The following SDK1 variants were observed in gnomAD, a reference collection of about 807,000 sequenced individuals.
SDK1 encodes protein sidekick-1.
Under a neutral mutation model 245.5 loss-of-function variants are expected in SDK1, and 157 were observed. The ratio of observed to expected loss-of-function variants is 0.64; its 90% CI spans 0.56 to 0.73. The LOEUF (loss-of-function observed/expected upper bound fraction) is 0.73, where lower values mean the gene tolerates loss of function less well. Among genes scored for constraint, SDK1 ranks in the 30% least tolerant of loss-of-function variants. The pLI, the probability that SDK1 is intolerant of heterozygous loss-of-function variation, is 0.00. For missense variants in SDK1, 3,583 were observed against 3,002.3 expected (o/e 1.19, Z -4.52); for synonymous variants, 1,647 against 1,278.5 (o/e 1.29, Z -6.15).
At chr7:3,811,207 C>T (rs1035480803) in intron 4 of SDK1, among the ~76,000 whole-genome samples, 1 of 152,146 alleles carries the variant, frequency 6.6e-6, no homozygotes, top group African/African-American at 2.4e-5. Context: ...ATTGTTATCC[C>T]CATTTTACAG....
At chr7:3,367,665 G>A (rs1234541387) in intron 1 of SDK1, among the ~76,000 whole-genome samples, 3 of 152,180 alleles carry the variant, frequency 2.0e-5, no homozygotes, top group African/African-American at 4.8e-5. Context: ...CTGAGTTGGA[G>A]TCTAGACCAT....
At chr7:3,776,629 A>G (rs1387972309) in intron 4 of SDK1, among the ~76,000 whole-genome samples, 1 of 152,206 alleles carries the variant, frequency 6.6e-6, no homozygotes, top group Non-Finnish European at 1.5e-5. Flanking sequence ...GTCACTCTGG[A>G]TGATAGTTGT....
At chr7:4,071,341 A>G (rs1780245184) in intron 20 of SDK1, among the ~76,000 whole-genome samples, 1 of 152,236 alleles carries the variant, frequency 6.6e-6, no homozygotes, top group Non-Finnish European at 1.5e-5. Flanking sequence ...TAACTTTTAA[A>G]AAAAGTAAAT....
chr7:3,746,288 C>G (rs1473851524), intron 4 of SDK1, among the ~76,000 whole-genome samples: 1 of 152,194 alleles, frequency 6.6e-6, no homozygotes, highest in Non-Finnish European at 1.5e-5. Flanking sequence ...TCACCTGAGC[C>G]TTCAGCAAGT....
chr7:3,894,748 G>C (rs530078987), intron 5 of SDK1, among the ~76,000 whole-genome samples: 44 of 149,836 alleles, frequency 2.9e-4, no homozygotes, highest in African/African-American at 9.6e-4. Flanking sequence ...CCCCCGGTTG[G>C]AGTGCAGTGA....
chr7:3,954,855 A>G lies in SDK1; in HGVS notation c.1150+2935A>G, dbSNP rs1415831448. ...GCTGTTGGCATAACTCTATTATCCT[A>G]TATGTCCCATTGCACTCGCTATTTA... On this transcript the variant is annotated intron_variant, in intron 7 of 44. Transcript: ENST00000404826. Among the ~76,000 whole-genome samples the G allele has an allele frequency of 3.3e-5, 5 of 152,000 alleles. No homozygotes were observed. The East Asian group carries it at 7.9e-4, about 24-fold the overall frequency.
At chr7:3,779,788 C>A (rs574952169) in intron 4 of SDK1, among the ~76,000 whole-genome samples, 1 of 151,826 alleles carries the variant, frequency 6.6e-6, no homozygotes, top group African/African-American at 2.4e-5. Flanking sequence ...AAAAATTAGC[C>A]GGGCGCGGTG....
chr7:3,676,868 T>G (rs996714558), intron 4 of SDK1, among the ~76,000 whole-genome samples: 7 of 152,244 alleles, frequency 4.6e-5, no homozygotes, highest in African/African-American at 1.4e-4. Context: ...TTGGTCTGTG[T>G]GTCTACTTTT....
At chr7:4,124,096 G>A (rs758137767) in intron 25 of SDK1, among the ~76,000 whole-genome samples, 2 of 152,190 alleles carry the variant, frequency 1.3e-5, no homozygotes, top group African/African-American at 2.4e-5. Context: ...GTCCTTTCTC[G>A]CCCCTCCCTT....
chr7:4,084,367 T>A (rs556362352), intron 22 of SDK1, among the ~76,000 whole-genome samples: 1 of 152,336 alleles, frequency 6.6e-6, no homozygotes, highest in Admixed American at 6.5e-5. Context: ...TTTTTGAACC[T>A]AGAATTGGCC....
intron 4 of SDK1, among the ~76,000 whole-genome samples, chr7:3,674,662 G>A (rs1368955939): frequency 6.6e-6 from 1 of 152,156 alleles, no homozygotes; most frequent in Non-Finnish European, 1.5e-5. Flanking sequence ...GTGATGTGTT[G>A]TTCAGTGTTT....
intron 1 of SDK1, among the ~76,000 whole-genome samples, chr7:3,490,901 C>T (rs1380858834): frequency 1.3e-5 from 2 of 152,124 alleles, no homozygotes; most frequent in Non-Finnish European, 2.9e-5. Flanking sequence ...TTTTCCTTGC[C>T]CTCCACAGAC....
intron 5 of SDK1, among the ~76,000 whole-genome samples, chr7:3,868,048 G>A (rs368160851): frequency 6.6e-6 from 1 of 152,002 alleles, no homozygotes; most frequent in African/African-American, 2.4e-5. Context: ...AATGTTTCAC[G>A]GAATGTTAAT....
intron 4 of SDK1, among the ~76,000 whole-genome samples, chr7:3,789,214 C>G (rs191725495): frequency 2.6e-4 from 39 of 152,192 alleles, no homozygotes; most frequent in African/African-American, 8.9e-4. Context: ...GTGGCATGAT[C>G]TCAGCTCACC....
chr7:4,139,590 TGTATATGTATATA>T lies in SDK1; in HGVS notation c.4229-6131_4229-6119del, dbSNP rs1779381869. Among the ~76,000 whole-genome samples the T allele has an allele frequency of 3.7e-4, 31 of 83,452 alleles. 9 individuals carry two copies. The highest frequency in any genetic ancestry group is 5.6e-3 in the Middle Eastern group (1 of 178). 54.7% of individuals were successfully genotyped at this position (83,452 alleles called of 152,430 possible). A position where few individuals can be genotyped will look rare whatever the true frequency, so the allele number is the denominator to read the frequency against. On this transcript the variant is annotated intron_variant, in intron 28 of 44. Transcript: ENST00000404826. ...GTGTATATGTGTGTGTGTATGTGTG[TGTATATGTATATA>T]TGTGTGTGTATATGTGTGTGTGTAT...
chr7:3,319,812 T>A (rs1779752302), intron 1 of SDK1, among the ~76,000 whole-genome samples: 1 of 151,450 alleles, frequency 6.6e-6, no homozygotes, highest in South Asian at 2.1e-4. Flanking sequence ...TTAGTTATAC[T>A]GTTTCTACTT....
chr7:4,059,066 A>G (rs1779376466), intron 19 of SDK1, among the ~76,000 whole-genome samples: 1 of 152,240 alleles, frequency 6.6e-6, no homozygotes, highest in Admixed American at 6.5e-5. Context: ...AATAATTACT[A>G]GAATAAGCCC....
chr7:4,011,337 T>C (rs1732938710), intron 15 of SDK1, among the ~76,000 whole-genome samples: 1 of 152,242 alleles, frequency 6.6e-6, no homozygotes, highest in South Asian at 2.1e-4. Flanking sequence ...TTCCTTGGAT[T>C]TTTCCTGTGG....
intron 4 of SDK1, among the ~76,000 whole-genome samples, chr7:3,811,079 C>A (rs75368228): frequency 0.012 from 1,796 of 152,292 alleles, 50 homozygotes; most frequent in African/African-American, 0.041. Flanking sequence ...TTGCCAGTCA[C>A]ATTCTACACC....
Sources: gnomAD v4.1 joint callset for allele counts (sites outside exome capture counted in the v4.1 genomes callset) on GRCh38, gnomAD v4.1.1 for gene constraint, MANE v1.5 for transcripts, NCBI Gene and HGNC (gene_info 2026-07-23, HGNC 2026-07-21) for gene names.